TMEM44: variants seen among roughly 807,000 people sequenced by gnomAD.
TMEM44 encodes the protein transmembrane protein 44.
A neutral mutation model predicts 47.8 loss-of-function variants in TMEM44; 43 were observed. That is an observed-to-expected ratio of 0.90 (90% CI 0.70 to 1.16). TMEM44 has a LOEUF of 1.16. Ranked by LOEUF, TMEM44 falls within the 50% of genes most tolerant of loss-of-function variation. The pLI, the probability that TMEM44 is intolerant of heterozygous loss-of-function variation, is 0.00. For synonymous variants in TMEM44, 277 were observed against 238.8 expected (o/e 1.16, Z -1.48); for missense variants, 568 against 555.2 (o/e 1.02, Z -0.23).
chr3:194,596,512 C>T (rs2109154644), intron 9 of TMEM44, among the ~76,000 whole-genome samples: 1 of 152,308 alleles, frequency 6.6e-6, no homozygotes, highest in Admixed American at 6.5e-5. Context: ...TGACTCAGTG[C>T]TGGGTGCGGC....
intron 9 of TMEM44, among the ~76,000 whole-genome samples, chr3:194,593,604 G>C (rs1287921042): frequency 2.0e-5 from 3 of 152,130 alleles, no homozygotes; most frequent in African/African-American, 7.2e-5. Context: ...CATCACGTCT[G>C]CCCTTGTTAC....
chr3:194,600,611 C>T (rs1713979199), intron 9 of TMEM44, among the ~76,000 whole-genome samples: 1 of 152,004 alleles, frequency 6.6e-6, no homozygotes, highest in Non-Finnish European at 1.5e-5. Flanking sequence ...ATTAGCCAGG[C>T]ATGGTGGTGC....
At chr3:194,617,058 C>T in intron 6 of TMEM44, 41 bp downstream of exon 6, 1 of 1,449,918 alleles carries the variant, frequency 6.9e-7, no homozygotes, top group South Asian at 1.5e-5. Flanking sequence ...CAGGCCTCCT[C>T]TGGCTGCAAG....
chr3:194,594,153 A>ATCTGTCTG (rs1553824446), intron 9 of TMEM44, among the ~76,000 whole-genome samples: 16 of 148,394 alleles, frequency 1.1e-4, no homozygotes, highest in South Asian at 2.2e-4. Flanking sequence ...CTATCTATCT[A>ATCTGTCTG]TCTATCTATC....
At chr3:194,623,493 G>A in intron 4 of TMEM44, 36 bp downstream of exon 4, 2 of 1,551,522 alleles carry the variant, frequency 1.3e-6, no homozygotes, top group Non-Finnish European at 1.7e-6. Context: ...AGGACATGCA[G>A]TACCCCGAGT....
intron 9 of TMEM44, chr3:194,590,233 G>A (rs965393481): frequency 6.6e-6 from 1 of 152,196 alleles, no homozygotes; most frequent in African/African-American, 2.4e-5. Context: ...GAAATAAAGA[G>A]CCCAGTTTGT....
Position 194,624,080 on chromosome 3 carries a change from C to T in TMEM44, c.359-385G>A, listed in dbSNP as rs144663895. 2.7e-3 allele frequency among the ~76,000 whole-genome samples: 415 copies of T among 152,332 alleles called. 2 individuals are homozygous for T. The highest frequency in any genetic ancestry group is 9.6e-3 in the African/African-American group (399 of 41,580). ...GAGCAGAACCGGTACAAGTGTGGTA[C>T]AAGCATCGACCCGTGAATCAGCGAT... On this transcript the variant is annotated intron_variant, in intron 3 of 9. Coordinates refer to ENST00000347147, the MANE Select transcript of TMEM44 (RefSeq NM_001011655.3).
rs1322908015 is a variant in TMEM44 at position 194,587,708 on chromosome 3, C to T, written c.*821G>A. ...GAATTGATTTAAAATTTATTCACCC[C>T]AGTGTTCACTCCCACCTTAGCCCCA... is the stretch of plus-strand genomic sequence containing the variant. On this transcript the variant is annotated 3_prime_UTR_variant, in exon 10 of 10. Transcript: ENST00000347147. 5 of 152,372 alleles carry T rather than the reference C, an allele frequency of 3.3e-5. No homozygotes were observed. The highest frequency in any genetic ancestry group is 2.1e-4 in the South Asian group (1 of 4,826). The allele number at this position is 152,372 out of a possible 1,614,324, so 9.4% of individuals were successfully genotyped here.
Position 194,622,255 on chromosome 3 carries a change from T to C in TMEM44, c.612+969A>G, listed in dbSNP as rs1350699201. ...GTGTCCTCAAATTCACGCTCCCTTC[T>C]GAGGTAACGTGACGCCTCCCCACCA... On this transcript the variant is annotated intron_variant, in intron 5 of 9. Coordinates refer to ENST00000347147, the MANE Select transcript of TMEM44 (RefSeq NM_001011655.3). Among the ~76,000 whole-genome samples the C allele has an allele frequency of 2.0e-5, 3 of 152,246 alleles. No individual in the cohort carries two copies. In the East Asian group the frequency reaches 5.8e-4, roughly 29 times the overall value.
At chr3:194,593,387 A>T (rs1197594402) in intron 9 of TMEM44, among the ~76,000 whole-genome samples, 1 of 152,230 alleles carries the variant, frequency 6.6e-6, no homozygotes, top group African/African-American at 2.4e-5. Context: ...GAGGAGTAGC[A>T]GTAATAATAA....
intron 9 of TMEM44, among the ~76,000 whole-genome samples, chr3:194,599,420 G>C (rs1469290736): frequency 1.3e-5 from 2 of 152,148 alleles, no homozygotes; most frequent in Admixed American, 6.6e-5. Flanking sequence ...AGACGAACCA[G>C]GATCTTCAAG....
rs199511667 is a variant in TMEM44, at chr3:194,625,325, G to A, written c.358+572C>T. On this transcript the variant is annotated intron_variant, in intron 3 of 9. Transcript: ENST00000347147. ...CCCTGCCTGTGGCCCCAGCTCTAGT[G>A]CCCCATGCTTCCTTGACACCAGCAG... Among the ~76,000 whole-genome samples the A allele has an allele frequency of 1.2e-4, 18 of 152,094 alleles. No individual in the cohort carries two copies. In the East Asian group the frequency reaches 3.5e-3, roughly 29 times the overall value.
intron 5 of TMEM44, among the ~76,000 whole-genome samples, chr3:194,621,043 G>A (rs999583513): frequency 1.4e-5 from 2 of 142,762 alleles, no homozygotes; most frequent in African/African-American, 5.2e-5. Flanking sequence ...AAAAAAAAAA[G>A]ATGTTGAAGT....
intron 9 of TMEM44, chr3:194,589,031 G>A (rs1475443677): frequency 8.7e-6 from 2 of 230,984 alleles, no homozygotes; most frequent in Non-Finnish European, 1.7e-5. Flanking sequence ...ACAGGGTCTT[G>A]CGGTGTCACC....
At chr3:194,621,175 C>G (rs576960757) in intron 5 of TMEM44, among the ~76,000 whole-genome samples, 1 of 152,072 alleles carries the variant, frequency 6.6e-6, no homozygotes, top group South Asian at 2.1e-4. Context: ...AGGAGCAAGT[C>G]GGACACAGAA....
At chr3:194,594,382 C>T (rs981187263) in intron 9 of TMEM44, among the ~76,000 whole-genome samples, 3 of 151,774 alleles carry the variant, frequency 2.0e-5, no homozygotes, top group African/African-American at 4.8e-5. Flanking sequence ...AGGCTGGTCT[C>T]GAACTCCTGG....
Position 194,604,359 on chromosome 3 carries a change from G to C in TMEM44, c.1104C>G (p.Pro368=), listed in dbSNP as rs984130040. The C allele has an allele frequency of 5.1e-6, 8 of 1,568,214 alleles. No individual in the cohort carries two copies. Among genetic ancestry groups the C allele is most frequent in the Non-Finnish European group, 6.9e-6 (8 of 1,156,796 alleles). The part of the protein sequence containing the change: ...ASLQDPPSYP[P]VQVIRARVSS... ...ACACCCGGGCCCGGATGACCTGAAC[G>C]GGAGGGTACGACGGGGGGTCCTGCA... Residue 368 remains proline, a synonymous_variant, in exon 9 of 10, where the codon CCC becomes CCG. Coordinates refer to ENST00000347147, the MANE Select transcript of TMEM44 (RefSeq NM_001011655.3).
chr3:194,605,124 C>T (rs1029072405), intron 8 of TMEM44, among the ~76,000 whole-genome samples: 3 of 150,594 alleles, frequency 2.0e-5, no homozygotes, highest in African/African-American at 7.4e-5. Context: ...ATCTATGTAT[C>T]TATCTATGTA....
At chr3:194,603,466 T>C (rs789848) in intron 9 of TMEM44, among the ~76,000 whole-genome samples, 141,628 of 152,210 alleles carry the variant, frequency 0.93, 65,951 homozygotes, top group East Asian at 0.97. Flanking sequence ...GGCATGATCT[T>C]GGCTCACTGT....
Sources: gnomAD v4.1 joint callset for allele counts (sites outside exome capture counted in the v4.1 genomes callset) on GRCh38, gnomAD v4.1.1 for gene constraint, MANE v1.5 for transcripts, NCBI Gene and HGNC (gene_info 2026-07-23, HGNC 2026-07-21) for gene names.